The following SEMA3C variants were observed in gnomAD, a reference collection of about 807,000 sequenced individuals.
SEMA3C encodes the protein semaphorin 3C.
A neutral mutation model predicts 89.4 loss-of-function variants in SEMA3C; 47 were observed. The ratio of observed to expected loss-of-function variants is 0.53; its 90% CI spans 0.42 to 0.67. SEMA3C has a LOEUF of 0.67. Ranked by LOEUF, SEMA3C falls within the 30% of genes least tolerant of loss-of-function variation. The pLI, the probability that SEMA3C is intolerant of heterozygous loss-of-function variation, is 0.00. For missense variants in SEMA3C, 839 were observed against 929.1 expected (o/e 0.90, Z 1.26); for synonymous variants, 310 against 320.2 (o/e 0.97, Z 0.34).
intron 2 of SEMA3C, among the ~76,000 whole-genome samples, chr7:80,900,325 G>A (rs748913063): frequency 5.3e-5 from 8 of 152,030 alleles, no homozygotes; most frequent in Non-Finnish European, 1.2e-4. Flanking sequence ...ATGTTAGCTA[G>A]GATGGTCTCA....
intron 2 of SEMA3C, among the ~76,000 whole-genome samples, chr7:80,894,465 A>G (rs1242767365): frequency 2.6e-5 from 4 of 152,142 alleles, no homozygotes; most frequent in African/African-American, 9.7e-5. Flanking sequence ...TGTAGCACTC[A>G]TAGCCACATG....
intron 5 of SEMA3C, chr7:80,815,871 T>C (rs909030518): frequency 2.0e-5 from 3 of 152,156 alleles, no homozygotes; most frequent in African/African-American, 7.2e-5. Flanking sequence ...GAAACAGATG[T>C]TATGAAAACA....
chr7:80,919,564 TTTTTTG>T (rs1254297130), upstream of SEMA3C, among the ~76,000 whole-genome samples: 100 of 141,974 alleles, frequency 7.0e-4, no homozygotes, highest in Middle Eastern at 3.6e-3. Flanking sequence ...GCTGCGTTTT[TTTTTTG>T]TTTTTTGTTT....
chr7:80,859,486 C>T (rs755724921), intron 2 of SEMA3C, among the ~76,000 whole-genome samples: 7 of 152,148 alleles, frequency 4.6e-5, no homozygotes, highest in Middle Eastern at 3.2e-3. Flanking sequence ...CCAGTAAGCT[C>T]ACAAATGCTC....
intron 2 of SEMA3C, among the ~76,000 whole-genome samples, chr7:80,870,292 C>T (rs1326211670): frequency 1.3e-5 from 2 of 152,138 alleles, no homozygotes. Context: ...CATGCCTTGT[C>T]TGATGCCACC....
chr7:80,910,731 T>C lies in SEMA3C; in HGVS notation c.103+5948A>G, dbSNP rs975276123. Among the ~76,000 whole-genome samples the C allele has an allele frequency of 7.2e-5, 11 of 152,104 alleles. No homozygotes were observed. In the East Asian group the frequency reaches 2.1e-3, roughly 29 times the overall value. On this transcript the variant is annotated intron_variant, in intron 2 of 17. Coordinates refer to ENST00000265361, the MANE Select transcript of SEMA3C (RefSeq NM_006379.5). ...TTTATTATAGCAAAGTGATAGTTTT[T>C]TTATTTAAAATAAGTTATTTTTTAC...
At chr7:80,919,261 CCG>C, upstream of SEMA3C, 1 of 984,982 alleles carries the variant, frequency 1.0e-6, no homozygotes, top group African/African-American at 1.7e-5. Flanking sequence ...CCGGGCGGGG[CCG>C]ACCCTTAGAG....
At position 80,744,779 on chromosome 7, in the gene SEMA3C, G is replaced by T; in HGVS notation, c.*115C>A. 1 of 1,179,014 alleles carries T rather than the reference G, an allele frequency of 8.5e-7. No individual in the cohort carries two copies. 73.0% of individuals were successfully genotyped at this position (1,179,014 alleles called of 1,614,324 possible). ...AGTTCGTGTAAAACTCACTTCAGGA[G>T]TAATCACCTTTTTCAGTAATTCCCC... On this transcript the variant is annotated 3_prime_UTR_variant, in exon 18 of 18. Coordinates refer to ENST00000265361, the MANE Select transcript of SEMA3C (RefSeq NM_006379.5).
intron 2 of SEMA3C, 133 bp from the exon 3 acceptor site, chr7:80,828,878 T>C: frequency 1.4e-6 from 1 of 694,818 alleles, no homozygotes; most frequent in East Asian, 2.8e-5. Flanking sequence ...AAATTAATTT[T>C]AAAATAGAGT....
At chr7:80,817,345 A>G (rs1369687916) in intron 5 of SEMA3C, among the ~76,000 whole-genome samples, 1 of 152,208 alleles carries the variant, frequency 6.6e-6, no homozygotes, top group Non-Finnish European at 1.5e-5. Context: ...CAGTAGACAT[A>G]TTTATTTTTT....
At chr7:80,905,212 TAGGGAGAGAC>T (rs1355761210) in intron 2 of SEMA3C, among the ~76,000 whole-genome samples, 2 of 70,500 alleles carry the variant, frequency 2.8e-5, no homozygotes, top group South Asian at 5.0e-4. Context: ...AAGAGGGAGG[TAGGGAGAGAC>T]AGGGAGAGAG....
intron 6 of SEMA3C, among the ~76,000 whole-genome samples, chr7:80,809,371 G>A (rs1789413644): frequency 6.6e-6 from 1 of 152,060 alleles, no homozygotes; most frequent in South Asian, 2.1e-4. Context: ...ATTTCTAAAA[G>A]ATTACTAAAA....
At chr7:80,774,408 A>G (rs1788500494) in intron 12 of SEMA3C, among the ~76,000 whole-genome samples, 2 of 152,204 alleles carry the variant, frequency 1.3e-5, no homozygotes, top group Non-Finnish European at 2.9e-5. Context: ...TAAAGCAGTT[A>G]TTATAATTAG....
intron 2 of SEMA3C, among the ~76,000 whole-genome samples, chr7:80,829,123 T>G (rs1255831653): frequency 6.6e-6 from 1 of 152,040 alleles, no homozygotes. Flanking sequence ...GCTATGATCA[T>G]GCTACTGCAC....
At chr7:80,919,317 G>T, upstream of SEMA3C, 2 of 985,294 alleles carry the variant, frequency 2.0e-6, no homozygotes, top group African/African-American at 3.5e-5. Flanking sequence ...GCAGGCTGGA[G>T]CCCTAGCTCC....
At chr7:80,826,364 T>C (rs900408969) in intron 4 of SEMA3C, among the ~76,000 whole-genome samples, 10 of 152,174 alleles carry the variant, frequency 6.6e-5, no homozygotes, top group Admixed American at 6.5e-4. Flanking sequence ...TTACTTGTTA[T>C]GACCTGAGAC....
chr7:80,771,690 AGGG>A (rs1383727511), intron 12 of SEMA3C, among the ~76,000 whole-genome samples: 1 of 152,116 alleles, frequency 6.6e-6, no homozygotes, highest in Non-Finnish European at 1.5e-5. Context: ...AACAGTCCTA[AGGG>A]GGTTTCCCTG....
intron 2 of SEMA3C, among the ~76,000 whole-genome samples, chr7:80,872,093 T>C (rs942857728): frequency 6.6e-6 from 1 of 152,100 alleles, no homozygotes; most frequent in Non-Finnish European, 1.5e-5. Flanking sequence ...AAAATAAGGG[T>C]ATTTTTACAA....
intron 2 of SEMA3C, among the ~76,000 whole-genome samples, chr7:80,888,681 A>C (rs1050569540): frequency 6.6e-6 from 1 of 152,102 alleles, no homozygotes; most frequent in Admixed American, 6.6e-5. Flanking sequence ...GTTTGTGTCA[A>C]AAGTATGAAG....
Sources: allele counts gnomAD v4.1 joint callset (sites outside exome capture counted in the v4.1 genomes callset), GRCh38; gene constraint gnomAD v4.1.1; transcripts MANE v1.5; gene names NCBI Gene and HGNC (gene_info 2026-07-23, HGNC 2026-07-21).